Variants in SHC4 observed in about 807,000 individuals in gnomAD.
SHC4 encodes the protein SHC-transforming protein 4.
Under a neutral mutation model 69.4 loss-of-function variants are expected in SHC4, and 41 were observed. That is an observed-to-expected ratio of 0.59 (90% CI 0.46 to 0.77). The LOEUF is 0.77. Ranked by LOEUF, SHC4 falls within the 30% of genes least tolerant of loss-of-function variation. The probability of loss-of-function intolerance (pLI) is 0.00; values close to 1 mark genes in which losing one functional copy is unlikely to be tolerated. For missense variants in SHC4, 777 were observed against 783.8 expected (o/e 0.99, Z 0.10); for synonymous variants, 318 against 299.3 (o/e 1.06, Z -0.64).
chr15:48,867,753 G>C, intron 6 of SHC4, 65 bp downstream of exon 6: 1 of 1,322,354 alleles, frequency 7.6e-7, no homozygotes, highest in Non-Finnish European at 1.1e-6. Context: ...GAAAATAACT[G>C]TTGGTTACTT....
Position 48,864,436 on chromosome 15 carries a change from C to CTTT in SHC4, c.946+3379_946+3381dup, listed in dbSNP as rs35549079. On this transcript the variant is annotated intron_variant, in intron 6 of 11. Transcript: ENST00000332408. Reference sequence around the variant, plus strand: ...TGCTTTCCAATACCAATACCACTTTCTTTTTTTTTTTTTTTTTTTTTTTTT... The same window carrying CTTT: ...TGCTTTCCAATACCAATACCACTTTCTTTTTTTTTTTTTTTTTTTTTTTTTTTT... Among the ~76,000 whole-genome samples the CTTT allele has an allele frequency of 1.5e-3, 85 of 55,058 alleles. 10 individuals carry two copies. Among genetic ancestry groups the CTTT allele is most frequent in the African/African-American group, 5.0e-3 (71 of 14,246 alleles). The allele number at this position is 55,058 out of a possible 152,430, so 36.1% of individuals were successfully genotyped here.
chr15:48,916,150 C>G (rs1009620933), intron 2 of SHC4, among the ~76,000 whole-genome samples: 4 of 151,980 alleles, frequency 2.6e-5, no homozygotes, highest in Non-Finnish European at 5.9e-5. Context: ...ACCTAATATA[C>G]AGATATTTGA....
chr15:48,856,323 C>T (rs572764029), intron 7 of SHC4, among the ~76,000 whole-genome samples, 199 bp from the exon 8 acceptor site: 2 of 152,056 alleles, frequency 1.3e-5, no homozygotes, highest in Middle Eastern at 3.2e-3. Context: ...GTAGACAAAA[C>T]GGGGTAAGCC....
chr15:48,917,928 T>C (rs1474940433), intron 2 of SHC4, among the ~76,000 whole-genome samples: 1 of 152,218 alleles, frequency 6.6e-6, no homozygotes, highest in Non-Finnish European at 1.5e-5. Context: ...GCTCCTCCTT[T>C]ATTACCAGGA....
chr15:48,952,915 G>C (rs1901388697), intron 1 of SHC4, among the ~76,000 whole-genome samples: 1 of 152,088 alleles, frequency 6.6e-6, no homozygotes, highest in Non-Finnish European at 1.5e-5. Flanking sequence ...CCCATTACTG[G>C]GTATATACCC....
At chr15:48,935,869 A>T (rs542141951) in intron 1 of SHC4, among the ~76,000 whole-genome samples, 2 of 152,282 alleles carry the variant, frequency 1.3e-5, no homozygotes, top group African/African-American at 4.8e-5. Flanking sequence ...GAATAATCTT[A>T]TAGCACCTTT....
At chr15:48,959,683 T>C (rs565948703) in intron 1 of SHC4, among the ~76,000 whole-genome samples, 1 of 152,386 alleles carries the variant, frequency 6.6e-6, no homozygotes, top group South Asian at 2.1e-4. Context: ...AAATTTTTTA[T>C]GTGCTTTTTC....
intron 1 of SHC4, among the ~76,000 whole-genome samples, chr15:48,925,473 A>C (rs1900837169): frequency 6.6e-6 from 1 of 152,256 alleles, no homozygotes; most frequent in African/African-American, 2.4e-5. Context: ...AGGAATGTCA[A>C]ATCTTCTAAG....
Position 48,949,955 on chromosome 15 carries a change from AT to A in SHC4, c.585+12475del, listed in dbSNP as rs985476170. Among the ~76,000 whole-genome samples the A allele has an allele frequency of 1.9e-3, 276 of 143,376 alleles. 1 individual carries two copies. The highest frequency in any genetic ancestry group is 6.8e-3 in the African/African-American group (269 of 39,530). 94.1% of individuals were successfully genotyped at this position (143,376 alleles called of 152,430 possible). A position where few individuals can be genotyped will look rare whatever the true frequency, so the allele number is the denominator to read the frequency against. ...ATATGCAGATTATATATTATATATA[AT>A]TTTAACATATGAAATATGAAATAAT... On this transcript the variant is annotated intron_variant, in intron 1 of 11. Transcript: ENST00000332408.
chr15:48,859,714 G>A (rs1899402921), intron 6 of SHC4, among the ~76,000 whole-genome samples: 1 of 152,294 alleles, frequency 6.6e-6, no homozygotes, highest in East Asian at 1.9e-4. Context: ...GAATTGCAGT[G>A]AGTCCCTGCA....
At chr15:48,934,393 TCA>T (rs1901029691) in intron 1 of SHC4, among the ~76,000 whole-genome samples, 1 of 152,158 alleles carries the variant, frequency 6.6e-6, no homozygotes, top group African/African-American at 2.4e-5. Context: ...AGGTACAACT[TCA>T]CACCCTCTGG....
At chr15:48,916,984 G>A (rs767867028) in intron 2 of SHC4, among the ~76,000 whole-genome samples, 2 of 152,184 alleles carry the variant, frequency 1.3e-5, no homozygotes, top group Non-Finnish European at 2.9e-5. Flanking sequence ...TGAAATAAAT[G>A]TTCCCTTTGC....
intron 3 of SHC4, among the ~76,000 whole-genome samples, chr15:48,886,625 T>C (rs1331880940): frequency 6.6e-6 from 1 of 152,188 alleles, no homozygotes; most frequent in South Asian, 2.1e-4. Flanking sequence ...TTAATACTAC[T>C]ATCACTTCCA....
intron 4 of SHC4, 52 bp downstream of exon 4, chr15:48,884,196 C>T: frequency 6.5e-7 from 1 of 1,532,660 alleles, no homozygotes; most frequent in Non-Finnish European, 8.7e-7. Flanking sequence ...TATCCCCACG[C>T]TTCTCTGAAA....
At chr15:48,931,084 G>A (rs1900956497) in intron 1 of SHC4, among the ~76,000 whole-genome samples, 1 of 152,068 alleles carries the variant, frequency 6.6e-6, no homozygotes, top group East Asian at 1.9e-4. Context: ...CTCTTCTTTA[G>A]CTTTCCTGAG....
chr15:48,850,072 G>A lies in SHC4; in HGVS notation c.1303+1116C>T, dbSNP rs142046534. ...ACAAACATTAGCTGGGCATGGTGGCGGGTGCCTGTAATCTCAGCTACTCAG... is the reference window on the plus strand; with the variant it reads ...ACAAACATTAGCTGGGCATGGTGGCAGGTGCCTGTAATCTCAGCTACTCAG... On this transcript the variant is annotated intron_variant, in intron 9 of 11. Coordinates refer to ENST00000332408, the MANE Select transcript of SHC4 (RefSeq NM_203349.4). Among the ~76,000 whole-genome samples, 931 of 152,128 alleles carry A rather than the reference G, an allele frequency of 6.1e-3. 6 individuals are homozygous for A. Among genetic ancestry groups the A allele is most frequent in the African/African-American group, 0.019 (769 of 41,516 alleles).
chr15:48,951,621 T>C (rs985861015), intron 1 of SHC4, among the ~76,000 whole-genome samples: 1 of 152,196 alleles, frequency 6.6e-6, no homozygotes, highest in Non-Finnish European at 1.5e-5. Flanking sequence ...AATCACTTAC[T>C]GCTCCCCAAA....
chr15:48,907,232 C>CT (rs1276371598), intron 2 of SHC4, among the ~76,000 whole-genome samples: 8 of 145,458 alleles, frequency 5.5e-5, no homozygotes, highest in Admixed American at 1.4e-4. Flanking sequence ...TTTTCTTTTC[C>CT]TTTTTTTTTC....
intron 9 of SHC4, among the ~76,000 whole-genome samples, chr15:48,846,188 G>A (rs1199327214): frequency 4.6e-5 from 7 of 152,052 alleles, no homozygotes; most frequent in Admixed American, 1.3e-4. Context: ...AAATTCATAT[G>A]GACCTGAGTT....
Sources: gnomAD v4.1 joint callset for allele counts (sites outside exome capture counted in the v4.1 genomes callset) on GRCh38, gnomAD v4.1.1 for gene constraint, MANE v1.5 for transcripts, NCBI Gene and HGNC (gene_info 2026-07-23, HGNC 2026-07-21) for gene names.